The following COG4 variants were observed in gnomAD, a reference collection of about 807,000 sequenced individuals.
COG4 encodes component of oligomeric golgi complex 4, also known as conserved oligomeric Golgi complex subunit 4.
In COG4, 65 loss-of-function variants were observed where a neutral mutation model predicts 95.1. The ratio of observed to expected loss-of-function variants is 0.68; its 90% CI spans 0.56 to 0.84. The LOEUF (loss-of-function observed/expected upper bound fraction) is 0.84. COG4 is among the 40% of genes least tolerant of loss of function. The probability of loss-of-function intolerance (pLI) is 0.00; values close to 1 mark genes in which losing one functional copy is unlikely to be tolerated. For missense variants in COG4, 1,045 were observed against 989.1 expected (o/e 1.06, Z -0.76); for synonymous variants, 421 against 374.8 (o/e 1.12, Z -1.42).
At chr16:70,511,012 G>A (rs1269501981) in intron 5 of COG4, among the ~76,000 whole-genome samples, 1 of 152,208 alleles carries the variant, frequency 6.6e-6, no homozygotes, top group South Asian at 2.1e-4. Flanking sequence ...TGATCCACCC[G>A]CCTCAGCCTC....
chr16:70,508,986 G>A (rs757880442), intron 7 of COG4: 1 of 581,646 alleles, frequency 1.7e-6, no homozygotes, highest in Non-Finnish European at 3.1e-6. Flanking sequence ...TACTTCTGCT[G>A]TGTTCTTTTC....
intron 17 of COG4, 102 bp downstream of exon 17, chr16:70,481,662 T>G: frequency 7.4e-7 from 1 of 1,344,086 alleles, no homozygotes; most frequent in East Asian, 2.4e-5. Context: ...GCAGGGCCTG[T>G]GGGCAGCAGA....
At chr16:70,502,342 C>T (rs1475875276) in intron 8 of COG4, among the ~76,000 whole-genome samples, 5 of 144,960 alleles carry the variant, frequency 3.4e-5, no homozygotes, top group Non-Finnish European at 6.0e-5. Flanking sequence ...CGCCTGTAAT[C>T]CCAGCACTTT....
At chr16:70,493,793 G>A (rs1323873593) in intron 12 of COG4, among the ~76,000 whole-genome samples, 6 of 152,132 alleles carry the variant, frequency 3.9e-5, no homozygotes, top group African/African-American at 1.4e-4. Context: ...GAGCACAGCT[G>A]TGGTTCAGGA....
rs1197374134 is a variant in COG4 at position 70,499,064 on chromosome 16, AAAC to A, written c.1196-1012_1196-1010del. 5.9e-5 allele frequency among the ~76,000 whole-genome samples: 9 copies of A among 152,338 alleles called. No homozygotes were observed. The East Asian group carries it at 1.7e-3, about 29-fold the overall frequency. ...TACTCTGTCTCTACAAAAAATAAAC[AAAC>A]AACAAGAAAAGAGAAAATATTCCGT... On this transcript the variant is annotated intron_variant, in intron 9 of 18. Transcript: ENST00000323786.
At chr16:70,515,884 G>C (rs573512487) in intron 3 of COG4, 8 of 401,164 alleles carry the variant, frequency 2.0e-5, no homozygotes, top group African/African-American at 1.5e-4. Context: ...CCAAGGTTTG[G>C]TCTCCAACTT....
chr16:70,509,522 G>T, intron 6 of COG4, 134 bp from the exon 7 acceptor site: 1 of 998,924 alleles, frequency 1.0e-6, no homozygotes, highest in Non-Finnish European at 1.5e-6. Flanking sequence ...ACACAAATAG[G>T]CCTAGTCAAT....
At chr16:70,522,056 G>C (rs534381815) in intron 1 of COG4, among the ~76,000 whole-genome samples, 1 of 143,928 alleles carries the variant, frequency 6.9e-6, no homozygotes, top group South Asian at 2.2e-4. Context: ...AGAGTGTAAT[G>C]GCGCTATCTT....
At chr16:70,490,557 C>T (rs1048278042) in intron 12 of COG4, among the ~76,000 whole-genome samples, 165 bp from the exon 13 acceptor site, 1 of 152,210 alleles carries the variant, frequency 6.6e-6, no homozygotes, top group African/African-American at 2.4e-5. Flanking sequence ...GAGCAGGACG[C>T]TCAGATCTTG....
chr16:70,506,639 G>A (rs1191813902), intron 8 of COG4, among the ~76,000 whole-genome samples: 1 of 125,704 alleles, frequency 8.0e-6, no homozygotes, highest in African/African-American at 3.2e-5. Context: ...ACATTTAGCT[G>A]GGAGTGGTGA....
rs1306117665 is a variant in COG4, at chr16:70,482,127, T to A, written c.1969A>T (p.Ile657Phe). Residue 657 changes from isoleucine to phenylalanine, a missense_variant, in exon 16 of 19, where the codon ATC becomes TTC. By Grantham distance (21) the Ile-to-Phe change is conservative. Coordinates refer to ENST00000323786, the MANE Select transcript of COG4 (RefSeq NM_015386.3). ...EANDPWVQQF[I>F]LNLEQQMAEF... ...GCCATTTGCTGCTCCAGGTTAAGGA[T>A]GAACTGTTGTACCCAAGGGTCGTTG... 6.2e-7 allele frequency: 1 copy of A among 1,613,974 alleles called. No homozygotes were observed. The highest frequency in any genetic ancestry group is 8.5e-7 in the Non-Finnish European group (1 of 1,179,984).
intron 13 of COG4, among the ~76,000 whole-genome samples, chr16:70,487,175 C>T (rs2049154791): frequency 6.6e-6 from 1 of 151,274 alleles, no homozygotes; most frequent in Non-Finnish European, 1.5e-5. Context: ...CCTGTAATCC[C>T]AGCAACTTAG....
rs370361108 is a variant in COG4, at chr16:70,481,806, G to A, written c.2064C>T (p.Ala688=). The change falls in exon 17 of 19, where the codon GCC becomes GCT. Residue 688 remains alanine, a synonymous_variant. Transcript: ENST00000323786. ...SLTGLMTSLV[A]VELEKVVLKS... is the part of the protein sequence containing the mutation. ...TCAGCACCACTTTCTCCAACTCGAC[G>A]GCAACAAGGCTAGTCATGAGGCCGG... 173 of 1,613,942 alleles carry A rather than the reference G, an allele frequency of 1.1e-4. No homozygotes were observed. The highest frequency in any genetic ancestry group is 1.4e-4 in the Non-Finnish European group (164 of 1,180,034).
intron 8 of COG4, among the ~76,000 whole-genome samples, chr16:70,505,036 A>G (rs146071866): frequency 3.8e-4 from 58 of 152,272 alleles, no homozygotes; most frequent in Non-Finnish European, 7.2e-4. Context: ...TTACATATGT[A>G]TTAGCTATTG....
At chr16:70,483,725 C>T (rs964251690) in intron 14 of COG4, 128 bp downstream of exon 14, 4 of 798,810 alleles carry the variant, frequency 5.0e-6, no homozygotes, top group African/African-American at 1.7e-5. Flanking sequence ...CAACTCCAGG[C>T]TCCAGGGCTT....
intron 1 of COG4, 132 bp from the exon 2 acceptor site, chr16:70,519,863 A>T: frequency 1.4e-6 from 1 of 724,180 alleles, no homozygotes; most frequent in South Asian, 1.5e-5. Context: ...TTCTCCTTAG[A>T]CTTTAACAAT....
intron 8 of COG4, 58 bp downstream of exon 8, chr16:70,508,348 T>C (rs891081431): frequency 1.5e-5 from 20 of 1,364,728 alleles, no homozygotes; most frequent in Non-Finnish European, 2.0e-5. Context: ...GTCTGAATTA[T>C]ATTACATGAT....
chr16:70,482,007 G>T, intron 16 of COG4, 85 bp downstream of exon 16: 1 of 1,376,064 alleles, frequency 7.3e-7, no homozygotes. Context: ...AGGGTCCCCA[G>T]AAGGAATGTG....
chr16:70,520,842 A>G (rs1412915348), intron 1 of COG4, among the ~76,000 whole-genome samples: 1 of 152,192 alleles, frequency 6.6e-6, no homozygotes, highest in Non-Finnish European at 1.5e-5. Context: ...TTTCATCTGT[A>G]AAACTAGGAT....
Sources: allele counts gnomAD v4.1 joint callset (sites outside exome capture counted in the v4.1 genomes callset), GRCh38; gene constraint gnomAD v4.1.1; transcripts MANE v1.5; gene names NCBI Gene and HGNC (gene_info 2026-07-23, HGNC 2026-07-21).